The following SSBP3 variants were observed in gnomAD, a reference collection of about 807,000 sequenced individuals.
SSBP3 encodes the protein single-stranded DNA-binding protein 3.
Under a neutral mutation model 69.6 loss-of-function variants are expected in SSBP3, and 5 were observed. That is an observed-to-expected ratio of 0.07 (90% CI 0.04 to 0.15). The LOEUF is 0.15. Ranked by LOEUF, SSBP3 falls within the 10% of genes least tolerant of loss-of-function variation. The pLI is 1.00. For missense variants in SSBP3, 312 were observed against 534.0 expected, an observed-to-expected ratio of 0.58 and a Z score of 4.10; for synonymous variants, 196 against 193.4, an observed-to-expected ratio of 1.01 and a Z score of -0.11.
At chr1:54,242,332 T>C (rs1570237346) in intron 10 of SSBP3, 120 bp from the exon 11 acceptor site, 4 of 1,199,746 alleles carry the variant, frequency 3.3e-6, no homozygotes, top group South Asian at 1.4e-5. Flanking sequence ...CCTACAGCCC[T>C]GCGGTTTAGA....
At chr1:54,397,077 G>A (rs1220122734) in intron 4 of SSBP3, among the ~76,000 whole-genome samples, 1 of 152,230 alleles carries the variant, frequency 6.6e-6, no homozygotes, top group Non-Finnish European at 1.5e-5. Context: ...GGAAAAAGAA[G>A]TGTGTATGTT....
At chr1:54,350,097 A>T (rs573407973) in intron 4 of SSBP3, among the ~76,000 whole-genome samples, 28 of 152,260 alleles carry the variant, frequency 1.8e-4, no homozygotes, top group Admixed American at 1.4e-3. Flanking sequence ...CCACCAAGAT[A>T]TATTAAGTAG....
At chr1:54,272,343 G>A (rs1645208111) in intron 5 of SSBP3, among the ~76,000 whole-genome samples, 1 of 152,096 alleles carries the variant, frequency 6.6e-6, no homozygotes, top group Non-Finnish European at 1.5e-5. Context: ...CCCTGAAGGG[G>A]AGGTTCCTCC....
At chr1:54,254,308 G>A (rs545371154) in intron 7 of SSBP3, among the ~76,000 whole-genome samples, 3 of 152,174 alleles carry the variant, frequency 2.0e-5, no homozygotes, top group Non-Finnish European at 4.4e-5. Context: ...CACCTGCCCC[G>A]CCAGCACAGC....
At chr1:54,352,308 T>C (rs1646793182) in intron 4 of SSBP3, among the ~76,000 whole-genome samples, 1 of 152,158 alleles carries the variant, frequency 6.6e-6, no homozygotes, top group African/African-American at 2.4e-5. Flanking sequence ...ATTCAAGTCC[T>C]ACTTCACCTA....
intron 4 of SSBP3, among the ~76,000 whole-genome samples, chr1:54,365,678 C>T (rs1281098901): frequency 1.3e-5 from 2 of 152,130 alleles, no homozygotes; most frequent in Non-Finnish European, 2.9e-5. Flanking sequence ...TACCCAGCTC[C>T]GTCATGAACG....
intron 4 of SSBP3, among the ~76,000 whole-genome samples, chr1:54,377,052 G>A (rs1460000228): frequency 6.6e-6 from 1 of 152,170 alleles, no homozygotes; most frequent in East Asian, 1.9e-4. Context: ...TCACCTCCAG[G>A]ACACACAGTC....
rs10525954 is a variant in SSBP3 at position 54,298,930 on chromosome 1, A to AACACACACACACACACACACACACACAC, written c.277-17431_277-17404dup. Among the ~76,000 whole-genome samples the AACACACACACACACACACACACACACAC allele has an allele frequency of 7.2e-3, 985 of 137,240 alleles. 24 individuals are homozygous for AACACACACACACACACACACACACACAC. Among genetic ancestry groups the AACACACACACACACACACACACACACAC allele is most frequent in the East Asian group, 0.026 (108 of 4,154 alleles). The allele number at this position is 137,240 out of a possible 152,430, so 90.0% of individuals were successfully genotyped here. A position where few individuals can be genotyped will look rare whatever the true frequency, so the allele number is the denominator to read the frequency against. ...AGAGGCTCCAAAGTAACAAAAACAA[A>AACACACACACACACACACACACACACAC]ACACACACACACACACACACACACA... On this transcript the variant is annotated intron_variant, in intron 4 of 17. Transcript: ENST00000610401.
At chr1:54,246,444 C>G (rs1644735186) in intron 9 of SSBP3, among the ~76,000 whole-genome samples, 1 of 152,214 alleles carries the variant, frequency 6.6e-6, no homozygotes, top group Admixed American at 6.5e-5. Context: ...CTCTCCCATC[C>G]AAGAGAAAGG....
intron 4 of SSBP3, among the ~76,000 whole-genome samples, chr1:54,316,667 AAT>A (rs1307724452): frequency 0.049 from 2,745 of 56,340 alleles, 394 homozygotes; most frequent in African/African-American, 0.2. Context: ...AAATAAAATA[AAT>A]AAATAAATAA....
intron 5 of SSBP3, among the ~76,000 whole-genome samples, chr1:54,272,180 T>G (rs530133690): frequency 2.0e-5 from 3 of 151,886 alleles, no homozygotes; most frequent in African/African-American, 7.3e-5. Flanking sequence ...CAGGGAGAGG[T>G]TGCCTGGGAG....
intron 4 of SSBP3, among the ~76,000 whole-genome samples, chr1:54,324,727 T>C (rs969778691): frequency 1.3e-5 from 2 of 152,190 alleles, no homozygotes; most frequent in Non-Finnish European, 2.9e-5. Context: ...TGGTGATATA[T>C]CCTGCTTGAA....
At chr1:54,226,530 G>A (rs776768967) in exon 18 of SSBP3, 1 of 153,458 alleles carries the variant, frequency 6.5e-6, no homozygotes. Flanking sequence ...ATTGTAAACT[G>A]TCCAGTTTAT....
At chr1:54,362,638 C>T (rs1446758812) in intron 4 of SSBP3, among the ~76,000 whole-genome samples, 3 of 152,214 alleles carry the variant, frequency 2.0e-5, no homozygotes, top group East Asian at 3.8e-4. Context: ...ATATCCCCCA[C>T]CCTATAAGCT....
chr1:54,270,378 C>T lies in SSBP3; in HGVS notation c.366+11060G>A, dbSNP rs138628227. On this transcript the variant is annotated intron_variant, in intron 5 of 17. Transcript: ENST00000610401. ...TCGACCTCCCCCGGCAGCTCCTGTG[C>T]GGTGGAGCAGGGCACTAGGAGTCAA... is the stretch of plus-strand genomic sequence containing the variant. Among the ~76,000 whole-genome samples, 1,133 of 152,204 alleles carry T rather than the reference C, an allele frequency of 7.4e-3. 6 individuals carry two copies. The highest frequency in any genetic ancestry group is 0.017 in the Middle Eastern group (5 of 294).
chr1:54,347,037 C>A (rs1646701662), intron 4 of SSBP3, among the ~76,000 whole-genome samples: 1 of 152,112 alleles, frequency 6.6e-6, no homozygotes, highest in African/African-American at 2.4e-5. Context: ...TCACAGCTCA[C>A]TGCATCCTTG....
At chr1:54,228,879 C>A (rs972815429) in intron 14 of SSBP3, 53 bp from the exon 15 acceptor site, 1 of 1,556,552 alleles carries the variant, frequency 6.4e-7, no homozygotes, top group Non-Finnish European at 8.8e-7. Context: ...CCCTCTGCAC[C>A]CCTCACAGGC....
chr1:54,372,685 C>T (rs911252863), intron 4 of SSBP3, among the ~76,000 whole-genome samples: 4 of 152,340 alleles, frequency 2.6e-5, no homozygotes, highest in East Asian at 1.9e-4. Flanking sequence ...AGGTTTCCGA[C>T]GCTCTTCCAC....
chr1:54,264,134 C>G (rs533058765), intron 5 of SSBP3, among the ~76,000 whole-genome samples: 1 of 152,180 alleles, frequency 6.6e-6, no homozygotes. Flanking sequence ...AACTCCGTCT[C>G]TACAAAAAAA....
Sources: gnomAD v4.1 joint callset for allele counts (sites outside exome capture counted in the v4.1 genomes callset) on GRCh38, gnomAD v4.1.1 for gene constraint, MANE v1.5 for transcripts, NCBI Gene and HGNC (gene_info 2026-07-23, HGNC 2026-07-21) for gene names.